Variants in DMD observed in about 807,000 individuals in gnomAD.
The protein encoded by DMD is dystrophin.
Under a neutral mutation model 330.1 loss-of-function variants are expected in DMD, and 63 were observed. That is an observed-to-expected ratio of 0.19 (90% CI 0.16 to 0.24). DMD has a LOEUF of 0.24. Among genes scored for constraint, DMD ranks in the 10% least tolerant of loss-of-function variants. The probability of loss-of-function intolerance (pLI) is 1.00; values close to 1 mark genes in which losing one functional copy is unlikely to be tolerated. For synonymous variants in DMD, 1,223 were observed against 959.8 expected (o/e 1.27, Z -5.07); for missense variants, 3,344 against 2,684.1 (o/e 1.25, Z -5.43).
intron 1 of DMD, among the ~76,000 whole-genome samples, chrX:33,300,140 T>C (rs925927632): frequency 8.9e-6 from 1 of 112,497 alleles, no homozygotes; most frequent in African/African-American, 3.2e-5. Flanking sequence ...AAAGTGAAGA[T>C]GAATGAGTTT....
At chrX:32,511,957 TAA>T (rs1251019310) in intron 18 of DMD, among the ~76,000 whole-genome samples, 3 of 111,799 alleles carry the variant, frequency 2.7e-5, no homozygotes, top group Non-Finnish European at 5.6e-5. Context: ...ATACAGAAGC[TAA>T]AAAAGGCATC....
Position 32,546,391 on chromosome X carries a change from T to C in DMD, c.1993-1057A>G, listed in dbSNP as rs777084339. The stretch of plus-strand genomic sequence containing the variant: ...AGCAGGGATCTGGCTGGGTCAAGAT[T>C]CATTTTAGCAATTTTCCTGAATTTG... On this transcript the variant is annotated intron_variant, in intron 16 of 78. Coordinates refer to ENST00000357033, the MANE Select transcript of DMD (RefSeq NM_004006.3). 1.0e-3 allele frequency among the ~76,000 whole-genome samples: 110 copies of C among 109,189 alleles called. 1 individual carries two copies. Among genetic ancestry groups the C allele is most frequent in the Non-Finnish European group, 1.7e-3 (89 of 52,553 alleles). 94.8% of individuals were successfully genotyped at this position (109,189 alleles called of 115,157 possible).
intron 1 of DMD, among the ~76,000 whole-genome samples, chrX:33,203,504 G>C (rs1486882134): frequency 9.0e-6 from 1 of 111,311 alleles, no homozygotes; most frequent in African/African-American, 3.3e-5. Flanking sequence ...GGAAATTAGG[G>C]GTAAATAGAT....
At chrX:33,010,155 T>C (rs1371078411) in intron 2 of DMD, among the ~76,000 whole-genome samples, 1 of 104,301 alleles carries the variant, frequency 9.6e-6, no homozygotes, top group African/African-American at 3.5e-5. Flanking sequence ...TATATATACA[T>C]GTGTGTATAT....
At chrX:31,513,099 T>A (rs895570228) in intron 55 of DMD, among the ~76,000 whole-genome samples, 1 of 96,652 alleles carries the variant, frequency 1.0e-5, no homozygotes, top group African/African-American at 3.9e-5. Flanking sequence ...TTGAAGCAAT[T>A]GTGAATGGGA....
At position 33,152,268 on chromosome X, in the gene DMD, C is replaced by T. The variant is rs1603358995; in HGVS notation, c.31+59014G>A. 4.6e-5 allele frequency among the ~76,000 whole-genome samples: 5 copies of T among 109,738 alleles called. 1 individual carries two copies. The highest frequency in any genetic ancestry group is 3.9e-4 in the Admixed American group (4 of 10,192). On this transcript the variant is annotated intron_variant, in intron 1 of 78. Transcript: ENST00000357033. ...CACTGCAACCTCTGCCTCCCAGGTT[C>T]AAGTGATTCTCCTGCCTCAGCCTCC...
chrX:32,084,427 A>G (rs2096415966), intron 44 of DMD, among the ~76,000 whole-genome samples: 1 of 111,487 alleles, frequency 9.0e-6, no homozygotes. Context: ...GCCCAAAGTG[A>G]GGGACATCTT....
At chrX:32,276,296 C>G (rs2097386784) in intron 43 of DMD, among the ~76,000 whole-genome samples, 1 of 112,302 alleles carries the variant, frequency 8.9e-6, no homozygotes, top group Non-Finnish European at 1.9e-5. Flanking sequence ...GAGAGGCAGT[C>G]TGGGACACAC....
At chrX:31,430,129 C>T (rs1378459320) in intron 60 of DMD, among the ~76,000 whole-genome samples, 5 of 111,126 alleles carry the variant, frequency 4.5e-5, no homozygotes, top group African/African-American at 1.3e-4. Flanking sequence ...ATCAAGACTG[C>T]GAGAGCACCA....
At chrX:31,453,036 C>T (rs937271413) in intron 59 of DMD, among the ~76,000 whole-genome samples, 1 of 111,885 alleles carries the variant, frequency 8.9e-6, no homozygotes, top group South Asian at 3.7e-4. Context: ...GAGCAAGTAA[C>T]CTGAATAGAC....
At chrX:31,523,734 G>GAAAGC (rs1377038205) in intron 55 of DMD, among the ~76,000 whole-genome samples, 1 of 112,216 alleles carries the variant, frequency 8.9e-6, no homozygotes, top group African/African-American at 3.2e-5. Flanking sequence ...GCACCTCGGG[G>GAAAGC]AAAGCGGAGG....
chrX:31,924,850 T>G (rs1340599289), intron 47 of DMD, among the ~76,000 whole-genome samples: 1 of 112,107 alleles, frequency 8.9e-6, no homozygotes, highest in Non-Finnish European at 1.9e-5. Context: ...ATATAAACAG[T>G]ATATCTTATT....
chrX:32,839,626 G>A (rs2079976638), intron 4 of DMD, among the ~76,000 whole-genome samples: 2 of 112,383 alleles, frequency 1.8e-5, no homozygotes, highest in Admixed American at 9.4e-5. Flanking sequence ...TCCTGCTTGA[G>A]CATTTTGATT....
intron 59 of DMD, among the ~76,000 whole-genome samples, chrX:31,463,760 A>C (rs1290921467): frequency 8.9e-6 from 1 of 111,922 alleles, no homozygotes; most frequent in Non-Finnish European, 1.9e-5. Context: ...ACACAAGCTA[A>C]TACAAATTCT....
At chrX:32,529,950 G>A (rs1022837466) in intron 17 of DMD, among the ~76,000 whole-genome samples, 6 of 110,778 alleles carry the variant, frequency 5.4e-5, no homozygotes, top group South Asian at 3.8e-4. Flanking sequence ...TTTTATATGT[G>A]TAATTTTAAG....
chrX:32,682,282 A>G (rs1486430631), intron 9 of DMD, among the ~76,000 whole-genome samples: 1 of 111,463 alleles, frequency 9.0e-6, no homozygotes, highest in East Asian at 2.8e-4. Context: ...GATTAGAATT[A>G]TGGATTTAAG....
At position 31,260,608 on chromosome X, in the gene DMD, C is replaced by T. The variant is rs113976203; in HGVS notation, c.9286+347G>A. On this transcript the variant is annotated intron_variant, in intron 63 of 78. Transcript: ENST00000357033. ...CTTGGTTTCACACGGAAGAAATCAA[C>T]AAGCACCTGAAACAGTTTTCTATCT... Among the ~76,000 whole-genome samples, 691 of 110,019 alleles carry T rather than the reference C, an allele frequency of 6.3e-3. 6 individuals carry two copies. The highest frequency in any genetic ancestry group is 0.022 in the African/African-American group (659 of 30,120).
At chrX:31,289,260 A>T (rs1350682108) in intron 62 of DMD, among the ~76,000 whole-genome samples, 7 of 86,172 alleles carry the variant, frequency 8.1e-5, no homozygotes, top group East Asian at 2.9e-4. Flanking sequence ...GCAAAAAAAA[A>T]AAAAATAAAA....
chrX:31,419,384 T>A (rs1402596850), intron 60 of DMD, among the ~76,000 whole-genome samples: 1 of 109,935 alleles, frequency 9.1e-6, no homozygotes, highest in Non-Finnish European at 1.9e-5. Context: ...CATAGTTACT[T>A]AGAATACATT....
Sources: gnomAD v4.1 joint callset for allele counts (sites outside exome capture counted in the v4.1 genomes callset) on GRCh38, gnomAD v4.1.1 for gene constraint, MANE v1.5 for transcripts, NCBI Gene and HGNC (gene_info 2026-07-23, HGNC 2026-07-21) for gene names.